The following CLK1 variants were observed in gnomAD, a reference collection of about 807,000 sequenced individuals.
CLK1 encodes dual specificity protein kinase CLK1.
A neutral mutation model predicts 60.9 loss-of-function variants in CLK1; 40 were observed. The ratio of observed to expected loss-of-function variants is 0.66; its 90% CI spans 0.51 to 0.86. CLK1 has a LOEUF of 0.86. Ranked by LOEUF, CLK1 falls within the 40% of genes least tolerant of loss-of-function variation. The pLI is 0.00. For missense variants in CLK1, 563 were observed against 606.1 expected, an observed-to-expected ratio of 0.93 and a Z score of 0.75; for synonymous variants, 203 against 184.4, an observed-to-expected ratio of 1.10 and a Z score of -0.82.
chr2:200,860,400 T>G, intron 3 of CLK1, 185 bp from the exon 4 acceptor site: 1 of 1,337,806 alleles, frequency 7.5e-7, no homozygotes, highest in Non-Finnish European at 9.6e-7. Flanking sequence ...GGCACATAGT[T>G]TATGTTAACA....
chr2:200,857,654 T>A, intron 7 of CLK1, 64 bp downstream of exon 7: 1 of 1,356,308 alleles, frequency 7.4e-7, no homozygotes, highest in Non-Finnish European at 1.0e-6. Context: ...ACACTTAGGA[T>A]GCACATTTTG....
rs1279093057 is a variant in CLK1 at position 200,861,324 on chromosome 2, T to C, written c.304A>G (p.Ser102Gly). The change falls in exon 3 of 13, where the codon AGC becomes GGC. Residue 102 changes from serine to glycine, a missense_variant. This residue lies in a region of CLK1 where 198 missense variants were observed against 179.2 expected (regional missense o/e 1.10). Coordinates refer to ENST00000321356, the MANE Select transcript of CLK1 (RefSeq NM_004071.4). ...CTTCCACTTCTACCAGAAGACTTGC[T>C]ACTATGGTTCTGATACCGGCTTTCA... ...DHESRYQNHS[S>G]KSSGRSGRSS... 2 of 1,614,084 alleles carry C rather than the reference T, an allele frequency of 1.2e-6. No individual in the cohort carries two copies. Among genetic ancestry groups the C allele is most frequent in the African/African-American group, 1.3e-5 (1 of 74,944 alleles).
chr2:200,862,724 C>A (rs1020426117), intron 1 of CLK1, among the ~76,000 whole-genome samples: 4 of 152,222 alleles, frequency 2.6e-5, no homozygotes, highest in Non-Finnish European at 5.9e-5. Context: ...TAGTCTCCAA[C>A]TCAAATGCAA....
At chr2:200,857,480 G>A (rs531288145) in intron 7 of CLK1, 20 of 357,258 alleles carry the variant, frequency 5.6e-5, no homozygotes, top group African/African-American at 2.3e-4. Context: ...CTATTTTTGC[G>A]CATCAGAAAA....
intron 1 of CLK1, 144 bp from the exon 2 acceptor site, chr2:200,862,006 A>G: frequency 1.5e-6 from 1 of 661,238 alleles, no homozygotes; most frequent in Non-Finnish European, 2.6e-6. Context: ...TCACTGATAA[A>G]TCCAATTACT....
intron 12 of CLK1, among the ~76,000 whole-genome samples, chr2:200,853,679 G>GAAAAAAAAAA (rs34449560): frequency 2.4e-4 from 12 of 49,112 alleles, no homozygotes; most frequent in African/African-American, 1.1e-3. Context: ...GTCTTTACTT[G>GAAAAAAAAAA]AAAAAAAAAA....
Position 200,853,361 on chromosome 2 carries a change from G to C in CLK1, c.1400C>G (p.Thr467Ser), listed in dbSNP as rs746261642. The change falls in exon 13 of 13, where the codon ACT becomes AGT. Residue 467 changes from threonine to serine, a missense_variant. By Grantham distance (58) the Thr-to-Ser change is moderately conservative. Around this residue, in one of 3 missense-constraint regions of CLK1, gnomAD observed 360 missense variants for 407.0 expected, o/e 0.88. Coordinates refer to ENST00000321356, the MANE Select transcript of CLK1 (RefSeq NM_004071.4). ...MLEYDPAKRI[T>S]LREALKHPFF... is the part of the protein sequence containing the mutation. ...AGGATGCTTTAAGGCTTCTCTGAGAGTAATTCTTTTGGCTGGATCATACTC... is the reference window on the plus strand; with the variant it reads ...AGGATGCTTTAAGGCTTCTCTGAGACTAATTCTTTTGGCTGGATCATACTC... The C allele has an allele frequency of 1.2e-6, 2 of 1,613,102 alleles. No homozygotes were observed. The highest frequency in any genetic ancestry group is 3.3e-5 in the Admixed American group (2 of 59,922).
At chr2:200,862,361 C>G (rs978965921) in intron 1 of CLK1, among the ~76,000 whole-genome samples, 1 of 152,138 alleles carries the variant, frequency 6.6e-6, no homozygotes, top group Non-Finnish European at 1.5e-5. Context: ...TATTTCTGCC[C>G]CAACCTAACT....
rs1177271980 is a variant in CLK1 at position 200,859,753 on chromosome 2, G to A, written c.482-7C>T. 2.5e-6 allele frequency: 4 copies of A among 1,612,382 alleles called. No individual in the cohort carries two copies. Among genetic ancestry groups the A allele is most frequent in the Non-Finnish European group, 8.5e-7 (1 of 1,179,046 alleles). ...AAAGTATCAACAATTTCATCTAAAA[G>A]AGAGAAATAAATCTCAGTCATATCA... On this transcript the variant is annotated splice_region_variant and splice_polypyrimidine_tract_variant and intron_variant, in intron 4 of 12. Transcript: ENST00000321356.
chr2:200,858,842 T>TTAAAA (rs146114797), intron 5 of CLK1, among the ~76,000 whole-genome samples: 1 of 147,278 alleles, frequency 6.8e-6, no homozygotes. Context: ...AACAGGGAAC[T>TTAAAA]AAAAAAAAAG....
At chr2:200,863,762 G>A (rs1017645346) in intron 1 of CLK1, among the ~76,000 whole-genome samples, 3 of 152,130 alleles carry the variant, frequency 2.0e-5, no homozygotes, top group Admixed American at 1.3e-4. Context: ...GCTGAAGCAG[G>A]AGAATCGCTT....
At position 200,861,803 on chromosome 2, in the gene CLK1, T is replaced by C. The variant is rs142926700; in HGVS notation, c.60A>G (p.Gly20=). The C allele has an allele frequency of 3.5e-5, 56 of 1,613,990 alleles. No individual in the cohort carries two copies. The African/African-American group carries it at 6.3e-4, about 18-fold the overall frequency. ...TATGACTGCTGCTGCTCCTCCATTT[T>C]CCATAATCCCAATCCTTGTCATCCC... The part of the protein sequence containing the change: ...PDWDDKDWDY[G]KWRSSSSHKR... The change falls in exon 2 of 13, where the codon GGA becomes GGG. Residue 20 remains glycine, a synonymous_variant. Coordinates refer to ENST00000321356, the MANE Select transcript of CLK1 (RefSeq NM_004071.4).
rs368909196 is a variant in CLK1, at chr2:200,861,888, G to A, written c.1-26C>T. The A allele has an allele frequency of 3.1e-6, 5 of 1,609,168 alleles. No individual in the cohort carries two copies. In the Admixed American group the frequency reaches 8.4e-5, roughly 27 times the overall value. On this transcript the variant is annotated intron_variant, in intron 1 of 12. Transcript: ENST00000321356. The stretch of plus-strand genomic sequence containing the variant: ...CTACATAAAAGGCAAGTTTTTCCTA[G>A]TTAAATTGTACCCCACACTGAGCTG...
chr2:200,861,420 G>A lies in CLK1; in HGVS notation c.208C>T (p.Arg70Ter). 1 of 1,613,982 alleles carries A rather than the reference G, an allele frequency of 6.2e-7. No individual in the cohort carries two copies. Among genetic ancestry groups the A allele is most frequent in the Non-Finnish European group, 8.5e-7 (1 of 1,179,976 alleles). The change falls in exon 3 of 13, where the codon CGA becomes TGA. Residue 70 changes from arginine (R) to a stop codon, truncating the protein, a stop_gained. Transcript: ENST00000321356. LOFTEE classifies it high-confidence loss of function. ...RSINEKDYHS[R>*]RYIDEYRNDY... ...TTTCTGTACTCATCAATGTAGCGTCGACTATGATAATCTTTCTCATTTATA... is the reference window on the plus strand; with the variant it reads ...TTTCTGTACTCATCAATGTAGCGTCAACTATGATAATCTTTCTCATTTATA...
intron 1 of CLK1, chr2:200,863,123 CTG>C (rs898053051): frequency 1.5e-4 from 23 of 151,844 alleles, no homozygotes; most frequent in Admixed American, 2.6e-4. Context: ...CGGGACCCCT[CTG>C]TGTCTTCCGC....
chr2:200,858,201 T>C, intron 5 of CLK1, 112 bp from the exon 6 acceptor site: 1 of 784,362 alleles, frequency 1.3e-6, no homozygotes, highest in Non-Finnish European at 2.2e-6. Context: ...TTTTAATTTA[T>C]GGTTTAGTGT....
rs1041290329 is a variant in CLK1, at chr2:200,853,179, A to G, written c.*127T>C. On this transcript the variant is annotated 3_prime_UTR_variant, in exon 13 of 13. Transcript: ENST00000321356. ...ATGTACTTAATGAACCAAATTACCCAAACAAAATAAACATGGCAATATAAA... is the reference window on the plus strand; with the variant it reads ...ATGTACTTAATGAACCAAATTACCCGAACAAAATAAACATGGCAATATAAA... The G allele has an allele frequency of 1.4e-5, 10 of 694,132 alleles. No homozygotes were observed. The South Asian group carries it at 2.2e-4, about 15-fold the overall frequency. 43.0% of individuals were successfully genotyped at this position (694,132 alleles called of 1,614,324 possible).
At chr2:200,853,557 G>T in intron 12 of CLK1, 108 bp from the exon 13 acceptor site, 1 of 1,077,452 alleles carries the variant, frequency 9.3e-7, no homozygotes, top group Non-Finnish European at 1.3e-6. Flanking sequence ...AAACAGAAAA[G>T]AGGCCAGGCA....
Position 200,858,078 on chromosome 2 carries a change from T to C in CLK1, c.560A>G (p.His187Arg). ...ATTTTTAACTATTTTTACTGCTACA[T>C]GTCTACCTCCCCTGTTAGAAAGATG... ...ECIDHKAGGR[H>R]VAVKIVKNVD... is the part of the protein sequence containing the mutation. Residue 187 changes from histidine to arginine, a missense_variant, in exon 6 of 13, where the codon CAT (histidine) becomes CGT (arginine). By Grantham distance (29) the His-to-Arg change is conservative. Around this residue, in one of 3 missense-constraint regions of CLK1, gnomAD observed 360 missense variants for 407.0 expected, o/e 0.88. Transcript: ENST00000321356. The C allele has an allele frequency of 6.2e-7, 1 of 1,607,656 alleles. No homozygotes were observed.
Sources: gnomAD v4.1 joint callset for allele counts (sites outside exome capture counted in the v4.1 genomes callset) on GRCh38, gnomAD v4.1.1 for gene constraint, gnomAD v4.1.1 regional missense constraint, MANE v1.5 for transcripts, NCBI Gene and HGNC (gene_info 2026-07-23, HGNC 2026-07-21) for gene names.